The following RNF114 variants were observed in gnomAD, a reference collection of about 807,000 sequenced individuals.
The protein encoded by RNF114 is E3 ubiquitin-protein ligase RNF114.
Under a neutral mutation model 28.4 loss-of-function variants are expected in RNF114, and 6 were observed. The ratio of observed to expected loss-of-function variants is 0.21; its 90% CI spans 0.12 to 0.42. The LOEUF is 0.42. Ranked by LOEUF, RNF114 falls within the 10% of genes least tolerant of loss-of-function variation. RNF114 has a pLI of 1.00. For missense variants in RNF114, 249 were observed against 311.7 expected, an observed-to-expected ratio of 0.80 and a Z score of 1.51; for synonymous variants, 115 against 116.7, an observed-to-expected ratio of 0.99 and a Z score of 0.09.
At chr20:49,938,340 C>T (rs2090295307) in intron 1 of RNF114, among the ~76,000 whole-genome samples, 1 of 152,136 alleles carries the variant, frequency 6.6e-6, no homozygotes, top group Admixed American at 6.6e-5. Flanking sequence ...TCCTCGCTGT[C>T]CTAGCCCCAC....
intron 1 of RNF114, 117 bp from the exon 2 acceptor site, chr20:49,941,444 G>GAGAGAGCA (rs2090307367): frequency 8.8e-7 from 1 of 1,141,842 alleles, no homozygotes; most frequent in African/African-American, 1.6e-5. Context: ...GAACTGGGAG[G>GAGAGAGCA]AGAGAGCAAG....
intron 2 of RNF114, among the ~76,000 whole-genome samples, chr20:49,942,745 G>A (rs2090312621): frequency 6.6e-6 from 1 of 152,120 alleles, no homozygotes; most frequent in African/African-American, 2.4e-5. Flanking sequence ...GATGGCTTGA[G>A]CCCAGGAGGC....
chr20:49,939,482 C>G (rs756758455), intron 1 of RNF114, among the ~76,000 whole-genome samples: 102 of 61,438 alleles, frequency 1.7e-3, no homozygotes, highest in Admixed American at 5.7e-3. Context: ...CTGTCTTAAT[C>G]TATCAGGTTG....
At chr20:49,936,583 G>T (rs1451661956) in intron 1 of RNF114, 31 bp downstream of exon 1, 6 of 1,572,118 alleles carry the variant, frequency 3.8e-6, no homozygotes, top group Admixed American at 3.7e-5. Context: ...TGGTCGGGGG[G>T]CGCTTAACTG....
In RNF114 at chr20:49,940,766, C is replaced by T. The variant is rs1433916185; in HGVS notation, c.141-795C>T. On this transcript the variant is annotated intron_variant, in intron 1 of 5. Coordinates refer to ENST00000244061, the MANE Select transcript of RNF114 (RefSeq NM_018683.4). ...GATGCCGTCTCTGCAGTCTTCCCCTCCACCCCCCCCTTGAGACAGAGTCGC... is the reference window on the plus strand; with the variant it reads ...GATGCCGTCTCTGCAGTCTTCCCCTTCACCCCCCCCTTGAGACAGAGTCGC... Among the ~76,000 whole-genome samples the T allele has an allele frequency of 3.3e-5, 5 of 151,196 alleles. No individual in the cohort carries two copies. In the East Asian group the frequency reaches 9.8e-4, roughly 30 times the overall value.
chr20:49,947,814 C>T (rs2090339909), intron 4 of RNF114, among the ~76,000 whole-genome samples: 2 of 59,030 alleles, frequency 3.4e-5, no homozygotes, highest in South Asian at 5.8e-4. Context: ...TTTTTTGAGG[C>T]GGAGTTTCGC....
At chr20:49,948,816 G>C (rs774275973) in intron 4 of RNF114, among the ~76,000 whole-genome samples, 1 of 152,146 alleles carries the variant, frequency 6.6e-6, no homozygotes, top group Non-Finnish European at 1.5e-5. Flanking sequence ...TTGTGTGAGG[G>C]CTTTTCAGCC....
intron 5 of RNF114, among the ~76,000 whole-genome samples, chr20:49,950,813 A>C (rs2090352600): frequency 6.6e-6 from 1 of 152,054 alleles, no homozygotes; most frequent in African/African-American, 2.4e-5. Flanking sequence ...GTGGTGCCTG[A>C]CTCGTTATGC....
Position 49,952,146 on chromosome 20 carries a change from A to T in RNF114, c.*5A>T. The T allele has an allele frequency of 6.2e-7, 1 of 1,612,648 alleles. No individual in the cohort carries two copies. Among genetic ancestry groups the T allele is most frequent in the South Asian group, 1.1e-5 (1 of 91,054 alleles). On this transcript the variant is annotated 3_prime_UTR_variant, in exon 6 of 6. Coordinates refer to ENST00000244061, the MANE Select transcript of RNF114 (RefSeq NM_018683.4). ...CGCTCCATCATCGACCAGTGAGCAG[A>T]GTCCGTGCTTGCTATCTGTCTCATG...
chr20:49,941,320 C>G (rs1568918805), intron 1 of RNF114: 2 of 432,028 alleles, frequency 4.6e-6, no homozygotes, highest in Non-Finnish European at 8.2e-6. Flanking sequence ...AAGCCTCAAC[C>G]TTAACACCTT....
chr20:49,950,404 G>A (rs1355721446), intron 5 of RNF114, among the ~76,000 whole-genome samples: 2 of 151,990 alleles, frequency 1.3e-5, no homozygotes, highest in African/African-American at 4.8e-5. Context: ...GACAGGTGCG[G>A]TGCAGTGGTT....
At chr20:49,950,501 G>GA (rs1271767742) in intron 5 of RNF114, among the ~76,000 whole-genome samples, 1 of 151,656 alleles carries the variant, frequency 6.6e-6, no homozygotes, top group African/African-American at 2.4e-5. Flanking sequence ...GGCAACATGG[G>GA]AAAACCTTGT....
intron 5 of RNF114, among the ~76,000 whole-genome samples, chr20:49,950,803 G>A (rs1024119327): frequency 6.6e-6 from 1 of 152,094 alleles, no homozygotes; most frequent in African/African-American, 2.4e-5. Flanking sequence ...TCCAAGCCAG[G>A]TGGTGCCTGA....
intron 3 of RNF114, 72 bp downstream of exon 3, chr20:49,945,560 G>A: frequency 2.1e-6 from 1 of 471,578 alleles, no homozygotes; most frequent in South Asian, 2.4e-5. Context: ...CATGCCCAGG[G>A]GTTTAGTTGT....
In RNF114 at chr20:49,946,260, CTT is replaced by C. The variant is rs34310744; in HGVS notation, c.513+24_513+25del. ...GGATACCAAATCTGTGGTGAGTAAC[CTT>C]TTTTTTTTTTTTTAAACTTCATTAA... On this transcript the variant is annotated intron_variant, in intron 4 of 5. Transcript: ENST00000244061. 5,630 of 1,065,634 alleles carry C rather than the reference CTT, an allele frequency of 5.3e-3. No individual in the cohort carries two copies. Among genetic ancestry groups the C allele is most frequent in the Admixed American group, 5.6e-3 (216 of 38,568 alleles). 66.0% of individuals were successfully genotyped at this position (1,065,634 alleles called of 1,614,324 possible).
chr20:49,939,161 C>T (rs2090298045), intron 1 of RNF114, among the ~76,000 whole-genome samples: 1 of 152,228 alleles, frequency 6.6e-6, no homozygotes, highest in East Asian at 1.9e-4. Context: ...ATGATCACCC[C>T]AGCTGGTCTG....
intron 1 of RNF114, among the ~76,000 whole-genome samples, chr20:49,938,908 G>A (rs1390282114): frequency 6.6e-6 from 1 of 152,196 alleles, no homozygotes; most frequent in Non-Finnish European, 1.5e-5. Flanking sequence ...CTTGTCATCT[G>A]CCTTTGTGAA....
chr20:49,944,374 TTTTG>T (rs1246132563), intron 2 of RNF114: 2 of 152,178 alleles, frequency 1.3e-5, no homozygotes, highest in East Asian at 3.8e-4. Flanking sequence ...ATGATGGGCT[TTTTG>T]TTTGTTTTAC....
chr20:49,943,822 C>CTATATA (rs371282346), intron 2 of RNF114: 35,630 of 116,090 alleles, frequency 0.31, 6,344 homozygotes, highest in South Asian at 0.49. Context: ...CCACGCCCAG[C>CTATATA]TATATATATA....
Sources: allele counts gnomAD v4.1 joint callset (sites outside exome capture counted in the v4.1 genomes callset), GRCh38; gene constraint gnomAD v4.1.1; transcripts MANE v1.5; gene names NCBI Gene and HGNC (gene_info 2026-07-23, HGNC 2026-07-21).